The following SH3BGR variants were observed in gnomAD, a reference collection of about 807,000 sequenced individuals.
SH3BGR encodes the protein SH3 domain-binding glutamic acid-rich protein.
In SH3BGR, 29 loss-of-function variants were observed where a neutral mutation model predicts 24.5. The ratio of observed to expected loss-of-function variants is 1.18; its 90% confidence interval spans 0.88 to 1.61. The LOEUF is 1.61. Ranked by LOEUF, SH3BGR falls within the 40% of genes most tolerant of loss-of-function variation. SH3BGR has a pLI of 0.00. For synonymous variants in SH3BGR, 55 were observed against 65.7 expected, an observed-to-expected ratio of 0.84 and a Z score of 0.79; for missense variants, 162 against 205.8, an observed-to-expected ratio of 0.79 and a Z score of 1.30.
At chr21:39,472,529 G>C (rs2077958784) in intron 2 of SH3BGR, among the ~76,000 whole-genome samples, 2 of 152,110 alleles carry the variant, frequency 1.3e-5, no homozygotes, top group Admixed American at 1.3e-4. Flanking sequence ...ATTTCTGCTA[G>C]TTTCCTTAGA....
At chr21:39,463,903 GA>G (rs1227140413) in intron 2 of SH3BGR, among the ~76,000 whole-genome samples, 2 of 152,222 alleles carry the variant, frequency 1.3e-5, no homozygotes, top group Non-Finnish European at 2.9e-5. Context: ...AAAAACAACA[GA>G]AATTTATTCT....
chr21:39,448,008 G>T (rs1303509472), upstream of SH3BGR, among the ~76,000 whole-genome samples: 1 of 152,086 alleles, frequency 6.6e-6, no homozygotes, highest in Non-Finnish European at 1.5e-5. Context: ...AGAATTTTTT[G>T]AGTCTTCCAG....
chr21:39,486,349 C>T (rs1327843242), intron 3 of SH3BGR, among the ~76,000 whole-genome samples: 1 of 151,966 alleles, frequency 6.6e-6, no homozygotes, highest in Non-Finnish European at 1.5e-5. Context: ...TACTTATAAA[C>T]ATAATCATTA....
chr21:39,467,459 A>T (rs993017750), intron 2 of SH3BGR, among the ~76,000 whole-genome samples: 1 of 152,154 alleles, frequency 6.6e-6, no homozygotes, highest in East Asian at 1.9e-4. Context: ...GCTTTGCTTA[A>T]TTTGCTTTTC....
In SH3BGR at chr21:39,472,446, A is replaced by G. The variant is rs561128870; in HGVS notation, c.232-2689A>G. Among the ~76,000 whole-genome samples, 27 of 152,352 alleles carry G rather than the reference A, an allele frequency of 1.8e-4. 1 individual carries two copies. In the South Asian group the frequency reaches 5.4e-3, roughly 30 times the overall value. On this transcript the variant is annotated intron_variant, in intron 2 of 6. Coordinates refer to ENST00000333634, the MANE Select transcript of SH3BGR (RefSeq NM_007341.3). Reference sequence around the variant, plus strand: ...TCCCAACACTGTTGCATTGGGGATTAAGTTTCCAACACAAGCTTTTTGGCG... The same window carrying G: ...TCCCAACACTGTTGCATTGGGGATTGAGTTTCCAACACAAGCTTTTTGGCG...
intron 3 of SH3BGR, chr21:39,488,725 A>G (rs954920441): frequency 1.3e-5 from 6 of 459,298 alleles, no homozygotes; most frequent in Non-Finnish European, 2.7e-5. Context: ...AGAAGTAGAG[A>G]TGCTGGCGGC....
chr21:39,510,352 C>T (rs1158201540), intron 5 of SH3BGR, among the ~76,000 whole-genome samples: 4 of 148,884 alleles, frequency 2.7e-5, no homozygotes, highest in East Asian at 2.0e-4. Flanking sequence ...CAGAGATAAC[C>T]ACTGTAGCTA....
At position 39,511,878 on chromosome 21, in the gene SH3BGR, G is replaced by C. The variant is rs557897599; in HGVS notation, c.*34+69G>C. ...CTGTATGCTATCTGCGGCACATTTT[G>C]CTTAGTAACAGGAGAAAGGGAATTC... On this transcript the variant is annotated intron_variant, in intron 6 of 6. Coordinates refer to ENST00000333634, the MANE Select transcript of SH3BGR (RefSeq NM_007341.3). The surrounding 1 kb of genome is among the most constrained non-coding windows in gnomAD (Gnocchi z 4.2). 7 of 1,414,918 alleles carry C rather than the reference G, an allele frequency of 4.9e-6. No individual in the cohort carries two copies. The South Asian group carries it at 1.1e-4, about 22-fold the overall frequency. The allele number at this position is 1,414,918 out of a possible 1,614,324, so 87.6% of individuals were successfully genotyped here.
intron 1 of SH3BGR, among the ~76,000 whole-genome samples, chr21:39,461,638 T>C (rs2077756770): frequency 6.6e-6 from 1 of 152,180 alleles, no homozygotes; most frequent in Non-Finnish European, 1.5e-5. Context: ...GAAAGTGGTT[T>C]GAACAGTTGG....
At chr21:39,451,415 T>A (rs1167218694), upstream of SH3BGR, among the ~76,000 whole-genome samples, 1 of 152,204 alleles carries the variant, frequency 6.6e-6, no homozygotes, top group Admixed American at 6.5e-5. Context: ...CTGGTCAGTT[T>A]CTGTTCTTTA....
chr21:39,487,642 C>T (rs1391714743), intron 3 of SH3BGR, among the ~76,000 whole-genome samples: 2 of 152,132 alleles, frequency 1.3e-5, no homozygotes, highest in Non-Finnish European at 2.9e-5. Context: ...GTAACATCTT[C>T]TATTGGAAGA....
chr21:39,483,809 CTA>C (rs1275864960), intron 3 of SH3BGR, among the ~76,000 whole-genome samples: 1 of 152,122 alleles, frequency 6.6e-6, no homozygotes, highest in Non-Finnish European at 1.5e-5. Context: ...AAATAACTGT[CTA>C]TGTGAATATG....
chr21:39,475,274 A>G, intron 3 of SH3BGR, 59 bp downstream of exon 3: 2 of 1,008,770 alleles, frequency 2.0e-6, no homozygotes, highest in South Asian at 2.6e-5. Context: ...GAAGGTAGAA[A>G]TCACCGCATC....
rs571856294 is a variant in SH3BGR, at chr21:39,477,287, TA to T, written c.312+2079del. Among the ~76,000 whole-genome samples the T allele has an allele frequency of 3.5e-3, 528 of 152,240 alleles. 5 individuals carry two copies. Among genetic ancestry groups the T allele is most frequent in the African/African-American group, 0.012 (512 of 41,524 alleles). On this transcript the variant is annotated intron_variant, in intron 3 of 6. Transcript: ENST00000333634. The stretch of plus-strand genomic sequence containing the variant: ...CCATCAAGTTGATGTGCCATGCATT[TA>T]AAAAAATTTTTGTTCATTTATTTAT...
chr21:39,451,790 T>G, upstream of SH3BGR: 1 of 1,136,934 alleles, frequency 8.8e-7, no homozygotes, highest in Non-Finnish European at 1.3e-6. Context: ...TTTTAGGGAC[T>G]GTTGTCGCGC....
At chr21:39,456,322 A>C (rs969607105) in intron 1 of SH3BGR, among the ~76,000 whole-genome samples, 2 of 152,222 alleles carry the variant, frequency 1.3e-5, no homozygotes, top group Non-Finnish European at 2.9e-5. Context: ...AACTGCCTAA[A>C]ATGAAGGCAT....
chr21:39,488,483 G>A, intron 3 of SH3BGR: 1 of 280,814 alleles, frequency 3.6e-6, no homozygotes, highest in South Asian at 7.5e-5. Flanking sequence ...GGTCCTGGGG[G>A]AACCTCAGGA....
Position 39,451,979 on chromosome 21 carries a change from C to T in SH3BGR, c.-118C>T, listed in dbSNP as rs1404860992. The T allele has an allele frequency of 6.8e-6, 11 of 1,614,170 alleles. No homozygotes were observed. The highest frequency in any genetic ancestry group is 9.3e-6 in the Non-Finnish European group (11 of 1,180,032). ...GGGACTGCCGGAGCCCAGTGGACCC[C>T]TGGGCTGCTGCCAGCCCCGACCTGG... On this transcript the variant is annotated 5_prime_UTR_variant, in exon 1 of 7. Transcript: ENST00000333634.
intron 1 of SH3BGR, among the ~76,000 whole-genome samples, chr21:39,456,421 T>G (rs951669554): frequency 6.6e-6 from 1 of 152,232 alleles, no homozygotes; most frequent in Non-Finnish European, 1.5e-5. Context: ...ATGGACAGGT[T>G]GGAAAAGATG....
Sources: allele counts gnomAD v4.1 joint callset (sites outside exome capture counted in the v4.1 genomes callset), GRCh38; gene constraint gnomAD v4.1.1; non-coding constraint Gnocchi (gnomAD v3.1); transcripts MANE v1.5; gene names NCBI Gene and HGNC (gene_info 2026-07-23, HGNC 2026-07-21).